The following ACTL8 variants were observed in gnomAD, a reference collection of about 807,000 sequenced individuals.
The protein encoded by ACTL8 is actin like 8, also known as actin-like protein 8.
A neutral mutation model predicts 9.3 loss-of-function variants in ACTL8; 3 were observed. The ratio of observed to expected loss-of-function variants is 0.32; its 90% CI spans 0.15 to 0.83. ACTL8 has a LOEUF of 0.83. ACTL8 is among the 40% of genes least tolerant of loss of function. ACTL8 has a pLI of 0.57. For synonymous variants in ACTL8, 224 were observed against 205.9 expected, an observed-to-expected ratio of 1.09 and a Z score of -0.75; for missense variants, 381 against 492.2, an observed-to-expected ratio of 0.77 and a Z score of 2.14.
intron 1 of ACTL8, among the ~76,000 whole-genome samples, chr1:17,800,583 C>CTTTTTTTTTTTTTTTTTTTTTTTTTTTT (rs59143238): frequency 2.9e-5 from 2 of 69,156 alleles, no homozygotes; most frequent in African/African-American, 1.3e-4. Context: ...TGGTGTCAAT[C>CTTTTTTTTTTTTTTTTTTTTTTTTTTTT]TTTTTTTTTT....
Position 17,785,180 on chromosome 1 carries a change from C to T in ACTL8, c.-25+29676C>T, listed in dbSNP as rs555248860. Among the ~76,000 whole-genome samples, 244 of 152,262 alleles carry T rather than the reference C, an allele frequency of 1.6e-3. 1 individual carries two copies. The highest frequency in any genetic ancestry group is 2.9e-3 in the Non-Finnish European group (197 of 68,020). ...ACACAGCCAAACCATATCAGGTACCCAGAAGAGCCAGTCTATATGATTGTT... is the reference window on the plus strand; with the variant it reads ...ACACAGCCAAACCATATCAGGTACCTAGAAGAGCCAGTCTATATGATTGTT... On this transcript the variant is annotated intron_variant, in intron 1 of 2. Coordinates refer to ENST00000375406, the MANE Select transcript of ACTL8 (RefSeq NM_030812.3).
Position 17,826,281 on chromosome 1 carries a change from G to C in ACTL8, c.863G>C (p.Arg288Pro). The change falls in exon 3 of 3, where the codon CGC becomes CCC. Residue 288 changes from arginine (R) to proline (P), a missense_variant. Around this residue, in one of 3 missense-constraint regions of ACTL8, gnomAD observed 243 missense variants for 276.2 expected, o/e 0.88. Transcript: ENST00000375406. The surrounding 1 kb of genome is among the most constrained non-coding windows in gnomAD (Gnocchi z 4.5). ...ESVESCEISL[R>P]PLLVSHVMAC... is the part of the protein sequence containing the mutation. ...GTGGAGTCCTGCGAGATCTCCCTGCGCCCCCTGCTGGTCTCCCACGTGATG... is the reference window on the plus strand; with the variant it reads ...GTGGAGTCCTGCGAGATCTCCCTGCCCCCCCTGCTGGTCTCCCACGTGATG... 1 of 1,611,098 alleles carries C rather than the reference G, an allele frequency of 6.2e-7. No individual in the cohort carries two copies. Among genetic ancestry groups the C allele is most frequent in the Non-Finnish European group, 8.5e-7 (1 of 1,177,882 alleles).
intron 1 of ACTL8, among the ~76,000 whole-genome samples, chr1:17,805,377 CTTTTTT>C (rs56870755): frequency 2.0e-4 from 20 of 100,180 alleles, no homozygotes; most frequent in East Asian, 1.5e-3. Flanking sequence ...TTTTCTTTTT[CTTTTTT>C]TTTTTTTTTT....
At position 17,804,452 on chromosome 1, in the gene ACTL8, C is replaced by T. The variant is rs550639372; in HGVS notation, c.-24-18533C>T. ...GAGGGGTGAATACATTTCATCTAGGCCACAGGCTGACATGGGGAAAGGGCA... is the reference window on the plus strand; with the variant it reads ...GAGGGGTGAATACATTTCATCTAGGTCACAGGCTGACATGGGGAAAGGGCA... On this transcript the variant is annotated intron_variant, in intron 1 of 2. Coordinates refer to ENST00000375406, the MANE Select transcript of ACTL8 (RefSeq NM_030812.3). Among the ~76,000 whole-genome samples, 7 of 152,200 alleles carry T rather than the reference C, an allele frequency of 4.6e-5. No individual in the cohort carries two copies. The South Asian group carries it at 1.5e-3, about 32-fold the overall frequency.
At chr1:17,759,999 G>A (rs955735564) in intron 1 of ACTL8, among the ~76,000 whole-genome samples, 5 of 152,152 alleles carry the variant, frequency 3.3e-5, no homozygotes, top group African/African-American at 9.7e-5. Context: ...CCTCCTAATA[G>A]GATGCAGAGT....
chr1:17,759,081 TTGTTGTACAGG>T (rs2102671805), intron 1 of ACTL8, among the ~76,000 whole-genome samples: 1 of 152,360 alleles, frequency 6.6e-6, no homozygotes, highest in Admixed American at 6.5e-5. Context: ...CGCAGTTGTG[TTGTTGTACAGG>T]ACTTCAGTGG....
At chr1:17,798,031 C>T (rs2066290476) in intron 1 of ACTL8, among the ~76,000 whole-genome samples, 1 of 152,090 alleles carries the variant, frequency 6.6e-6, no homozygotes, top group South Asian at 2.1e-4. Context: ...GCGTTTTGTC[C>T]CGGAGTAGAT....
intron 1 of ACTL8, among the ~76,000 whole-genome samples, chr1:17,799,055 G>GT (rs2066300532): frequency 6.6e-6 from 1 of 152,166 alleles, no homozygotes; most frequent in Non-Finnish European, 1.5e-5. Flanking sequence ...CCCCTCTCTG[G>GT]TTTTCCACTT....
chr1:17,787,409 G>A (rs1158215124), intron 1 of ACTL8, among the ~76,000 whole-genome samples: 1 of 152,144 alleles, frequency 6.6e-6, no homozygotes, highest in Non-Finnish European at 1.5e-5. Context: ...GATTACAGGT[G>A]TGTGCCACCA....
At chr1:17,784,000 C>A (rs928101024) in intron 1 of ACTL8, among the ~76,000 whole-genome samples, 2 of 152,156 alleles carry the variant, frequency 1.3e-5, no homozygotes, top group East Asian at 3.9e-4. Context: ...GCATGTTGAG[C>A]CTTAGTTGTC....
chr1:17,784,251 A>C (rs55790838), intron 1 of ACTL8, among the ~76,000 whole-genome samples: 27,826 of 152,074 alleles, frequency 0.18, 3,268 homozygotes, highest in East Asian at 0.46. Flanking sequence ...GAATTGCTAC[A>C]TGCTTTTAAA....
chr1:17,797,171 G>C (rs1474072359), intron 1 of ACTL8, among the ~76,000 whole-genome samples: 4 of 152,090 alleles, frequency 2.6e-5, no homozygotes. Flanking sequence ...GCCTCTCTGT[G>C]GTCCCTGCTG....
chr1:17,775,994 CTGTT>C (rs1423750745), intron 1 of ACTL8, among the ~76,000 whole-genome samples: 1 of 152,210 alleles, frequency 6.6e-6, no homozygotes, highest in African/African-American at 2.4e-5. Flanking sequence ...AGATCTGTCA[CTGTT>C]TGTGCTATCC....
intron 1 of ACTL8, among the ~76,000 whole-genome samples, chr1:17,772,892 C>T (rs908082872): frequency 2.0e-5 from 3 of 149,926 alleles, no homozygotes; most frequent in African/African-American, 7.3e-5. Context: ...AGTACCTCTT[C>T]CTTAGAGCAA....
chr1:17,777,624 CTGATTGATTCG>C (rs2066126865), intron 1 of ACTL8, among the ~76,000 whole-genome samples: 1 of 152,178 alleles, frequency 6.6e-6, no homozygotes, highest in Non-Finnish European at 1.5e-5. Context: ...AATCCATCTG[CTGATTGATTCG>C]TGATGTCTGC....
intron 2 of ACTL8, among the ~76,000 whole-genome samples, chr1:17,824,549 T>C (rs1286720072): frequency 6.6e-6 from 1 of 152,246 alleles, no homozygotes; most frequent in African/African-American, 2.4e-5. Flanking sequence ...ATTGTAGGTT[T>C]ACTAGGTAAA....
chr1:17,812,190 T>C (rs1423992324), intron 1 of ACTL8, among the ~76,000 whole-genome samples: 1 of 152,090 alleles, frequency 6.6e-6, no homozygotes, highest in Non-Finnish European at 1.5e-5. Context: ...ATAGTGGGCC[T>C]TGAAATCAGA....
At chr1:17,787,247 A>C (rs1360631564) in intron 1 of ACTL8, among the ~76,000 whole-genome samples, 2 of 151,516 alleles carry the variant, frequency 1.3e-5, no homozygotes, top group Non-Finnish European at 2.9e-5. Flanking sequence ...AAATCCTCCC[A>C]CCTCAATAGC....
chr1:17,785,972 C>G (rs1001327489), intron 1 of ACTL8, among the ~76,000 whole-genome samples: 1 of 152,180 alleles, frequency 6.6e-6, no homozygotes, highest in African/African-American at 2.4e-5. Context: ...CCACACTCAT[C>G]TGGATTGCTG....
Sources: allele counts gnomAD v4.1 joint callset (sites outside exome capture counted in the v4.1 genomes callset), GRCh38; gene constraint gnomAD v4.1.1; regional missense constraint gnomAD v4.1.1; non-coding constraint Gnocchi (gnomAD v3.1); transcripts MANE v1.5; gene names NCBI Gene and HGNC (gene_info 2026-07-23, HGNC 2026-07-21).